The following HS6ST3 variants were observed in gnomAD, a reference collection of about 807,000 sequenced individuals.
HS6ST3 encodes the protein heparan-sulfate 6-O-sulfotransferase 3.
Under a neutral mutation model 36.7 loss-of-function variants are expected in HS6ST3, and 12 were observed. The ratio of observed to expected loss-of-function variants is 0.33; its 90% CI spans 0.21 to 0.53. HS6ST3 has a LOEUF of 0.53. Ranked by LOEUF, HS6ST3 falls within the 20% of genes least tolerant of loss-of-function variation. The probability of loss-of-function intolerance (pLI) is 0.95; values close to 1 mark genes in which losing one functional copy is unlikely to be tolerated. For synonymous variants in HS6ST3, 240 were observed against 257.5 expected (o/e 0.93, Z 0.65); for missense variants, 584 against 640.9 (o/e 0.91, Z 0.96).
chr13:96,145,866 A>C (rs890739644), intron 1 of HS6ST3, among the ~76,000 whole-genome samples: 2 of 152,158 alleles, frequency 1.3e-5, no homozygotes, highest in African/African-American at 4.8e-5. Context: ...TCAGCTTTCT[A>C]CATATGGCTA....
chr13:96,648,483 C>CTT (rs10716120), intron 1 of HS6ST3, among the ~76,000 whole-genome samples: 299 of 141,124 alleles, frequency 2.1e-3, no homozygotes, highest in African/African-American at 7.5e-3. Context: ...TTTCCACTTT[C>CTT]TTTTTTTTTT....
chr13:96,442,536 A>G (rs2055676699), intron 1 of HS6ST3, among the ~76,000 whole-genome samples: 1 of 152,166 alleles, frequency 6.6e-6, no homozygotes, highest in Non-Finnish European at 1.5e-5. Flanking sequence ...AGTCATTTTC[A>G]GTTATGCACT....
intron 1 of HS6ST3, among the ~76,000 whole-genome samples, chr13:96,216,953 C>CGGGA (rs1426012674): frequency 6.6e-6 from 1 of 152,192 alleles, no homozygotes; most frequent in Non-Finnish European, 1.5e-5. Context: ...CTGCTCCTTC[C>CGGGA]GATTCCTGAT....
At chr13:96,439,483 G>A (rs1214704077) in intron 1 of HS6ST3, among the ~76,000 whole-genome samples, 1 of 152,230 alleles carries the variant, frequency 6.6e-6, no homozygotes, top group East Asian at 1.9e-4. Flanking sequence ...ATCACAGCGA[G>A]GAGACAGCAT....
rs954259083 is a variant in HS6ST3 at position 96,833,126 on chromosome 13, G to A, written c.1344G>A (p.Gln448=). 2.1e-5 allele frequency: 34 copies of A among 1,601,926 alleles called. No homozygotes were observed. Among genetic ancestry groups the A allele is most frequent in the Non-Finnish European group, 2.7e-5 (32 of 1,179,616 alleles). The change falls in exon 2 of 2, where the codon CAG becomes CAA. Residue 448 remains glutamine, a synonymous_variant. Coordinates refer to ENST00000376705, the MANE Select transcript of HS6ST3 (RefSeq NM_153456.4). ...RRLQREHRDH[Q]WPKEDGAAEG... is the part of the protein sequence containing the mutation. ...TGCAGCGAGAGCACAGGGACCACCA[G>A]TGGCCCAAAGAAGATGGGGCTGCAG...
At chr13:96,683,426 T>C (rs1594835248) in intron 1 of HS6ST3, among the ~76,000 whole-genome samples, 1 of 152,110 alleles carries the variant, frequency 6.6e-6, no homozygotes, top group South Asian at 2.1e-4. Flanking sequence ...TAAAGCAGTC[T>C]CTTCTTTTTA....
At chr13:96,815,422 G>T (rs575848996) in intron 1 of HS6ST3, among the ~76,000 whole-genome samples, 1 of 152,260 alleles carries the variant, frequency 6.6e-6, no homozygotes, top group African/African-American at 2.4e-5. Context: ...CAGGTATGGG[G>T]CAGTGGGGTG....
At chr13:96,527,479 C>T (rs1466005651) in intron 1 of HS6ST3, among the ~76,000 whole-genome samples, 1 of 152,004 alleles carries the variant, frequency 6.6e-6, no homozygotes, top group East Asian at 1.9e-4. Context: ...CACAAATAAG[C>T]CAATAAATAC....
intron 1 of HS6ST3, among the ~76,000 whole-genome samples, chr13:96,279,763 T>TC (rs2054766229): frequency 6.6e-6 from 1 of 152,206 alleles, no homozygotes; most frequent in Non-Finnish European, 1.5e-5. Context: ...TCATTAGCAT[T>TC]CAGTCAACCT....
chr13:96,104,535 G>GACTC (rs747434326), intron 1 of HS6ST3, among the ~76,000 whole-genome samples: 2 of 152,184 alleles, frequency 1.3e-5, no homozygotes, highest in Non-Finnish European at 2.9e-5. Context: ...GTTAGTAAAT[G>GACTC]ACTCACCTTC....
Position 96,656,955 on chromosome 13 carries a change from TTGTGTGTGTGTGTGTGTGTG to T in HS6ST3, c.708-175510_708-175491del, listed in dbSNP as rs754838881. Among the ~76,000 whole-genome samples, 1,177 of 122,276 alleles carry T rather than the reference TTGTGTGTGTGTGTGTGTGTG, an allele frequency of 9.6e-3. 9 individuals carry two copies. Among genetic ancestry groups the T allele is most frequent in the Non-Finnish European group, 0.015 (898 of 60,282 alleles). The allele number at this position is 122,276 out of a possible 152,430, so 80.2% of individuals were successfully genotyped here. ...CAGATGGATTACTCTGGCTTTTCTT[TTGTGTGTGTGTGTGTGTGTG>T]TGTGTGTGTGTGTGTGTGTGTGTGA... On this transcript the variant is annotated intron_variant, in intron 1 of 1. Transcript: ENST00000376705.
intron 1 of HS6ST3, among the ~76,000 whole-genome samples, chr13:96,365,509 C>T (rs1282248651): frequency 6.6e-6 from 1 of 152,050 alleles, no homozygotes; most frequent in Non-Finnish European, 1.5e-5. Context: ...CCATCTTAGG[C>T]ATTGAGATGT....
At chr13:96,338,058 A>G (rs1254357096) in intron 1 of HS6ST3, among the ~76,000 whole-genome samples, 1 of 152,056 alleles carries the variant, frequency 6.6e-6, no homozygotes, top group Non-Finnish European at 1.5e-5. Context: ...CTCTGAGGAT[A>G]TTTAAAATAT....
intron 1 of HS6ST3, among the ~76,000 whole-genome samples, chr13:96,642,580 T>A (rs1245652557): frequency 6.6e-6 from 1 of 151,904 alleles, no homozygotes; most frequent in Non-Finnish European, 1.5e-5. Flanking sequence ...TAGTTTCCTT[T>A]TATTCTTTCT....
intron 1 of HS6ST3, among the ~76,000 whole-genome samples, chr13:96,254,392 C>T (rs12560870): frequency 0.079 from 9,211 of 116,894 alleles, 464 homozygotes; most frequent in East Asian, 0.21. Context: ...CCAGCCTGGG[C>T]GATAGAGTGA....
At chr13:96,205,101 GAAGAA>G (rs71113983) in intron 1 of HS6ST3, among the ~76,000 whole-genome samples, 66,895 of 151,200 alleles carry the variant, frequency 0.44, 15,339 homozygotes, top group Admixed American at 0.56. Flanking sequence ...GACTAATAAA[GAAGAA>G]AAGAAGAATC....
chr13:96,252,053 G>T (rs576142570), intron 1 of HS6ST3, among the ~76,000 whole-genome samples: 1 of 152,208 alleles, frequency 6.6e-6, no homozygotes, highest in South Asian at 2.1e-4. Flanking sequence ...TGTATGTCTG[G>T]TCAGTCCATT....
intron 1 of HS6ST3, among the ~76,000 whole-genome samples, chr13:96,598,406 C>T (rs2056409744): frequency 6.6e-6 from 1 of 151,880 alleles, no homozygotes; most frequent in Admixed American, 6.6e-5. Flanking sequence ...TAGATATATT[C>T]CTAGATATTT....
At position 96,831,954 on chromosome 13, in the gene HS6ST3, CAAAAAAAAA is replaced by C. The variant is rs35266831; in HGVS notation, c.708-518_708-510del. ...TGGGTGACAGAGCAAGACTCCCTCT[CAAAAAAAAA>C]AAAAAAAAAAAAAAAAACAGAGATT... is the stretch of plus-strand genomic sequence containing the variant. On this transcript the variant is annotated intron_variant, in intron 1 of 1. Coordinates refer to ENST00000376705, the MANE Select transcript of HS6ST3 (RefSeq NM_153456.4). Among the ~76,000 whole-genome samples, 273 of 21,856 alleles carry C rather than the reference CAAAAAAAAA, an allele frequency of 0.012. 10 individuals are homozygous for C. In the South Asian group the frequency reaches 0.19, roughly 15 times the overall value. 14.3% of individuals were successfully genotyped at this position (21,856 alleles called of 152,430 possible). A position where few individuals can be genotyped will look rare whatever the true frequency, so the allele number is the denominator to read the frequency against.
Sources: gnomAD v4.1 joint callset for allele counts (sites outside exome capture counted in the v4.1 genomes callset) on GRCh38, gnomAD v4.1.1 for gene constraint, MANE v1.5 for transcripts, NCBI Gene and HGNC (gene_info 2026-07-23, HGNC 2026-07-21) for gene names.